The following SGCD variants were observed in gnomAD, a reference collection of about 807,000 sequenced individuals.
SGCD encodes the protein sarcoglycan delta, also known as delta-sarcoglycan.
In SGCD, 18 loss-of-function variants were observed where a neutral mutation model predicts 36.6. That is an observed-to-expected ratio of 0.49 (90% confidence interval 0.34 to 0.73). The LOEUF (loss-of-function observed/expected upper bound fraction) is 0.73, where lower values mean the gene tolerates loss of function less well. Among genes scored for constraint, SGCD ranks in the 30% least tolerant of loss-of-function variants. The pLI is 0.01. For synonymous variants in SGCD, 133 were observed against 130.6 expected, an observed-to-expected ratio of 1.02 and a Z score of -0.12; for missense variants, 387 against 346.7, an observed-to-expected ratio of 1.12 and a Z score of -0.92.
At chr5:156,099,119 A>G (rs529802863) in intron 1 of SGCD, among the ~76,000 whole-genome samples, 17 of 152,282 alleles carry the variant, frequency 1.1e-4, no homozygotes, top group African/African-American at 4.1e-4. Flanking sequence ...AAAGAGAGAC[A>G]ATACATCTGG....
intron 3 of SGCD, among the ~76,000 whole-genome samples, chr5:156,167,628 G>A (rs1194445499): frequency 6.6e-6 from 1 of 152,132 alleles, no homozygotes; most frequent in Non-Finnish European, 1.5e-5. Flanking sequence ...TGTTAAAAAA[G>A]TCTGGGATTT....
At chr5:156,370,988 AAC>A (rs1770359276) in intron 3 of SGCD, among the ~76,000 whole-genome samples, 1 of 152,110 alleles carries the variant, frequency 6.6e-6, no homozygotes, top group South Asian at 2.1e-4. Flanking sequence ...GGGAAAAAAA[AAC>A]AGTGATGTTT....
At chr5:155,794,452 GGATAAA>G in the SGCD span, among the ~76,000 whole-genome samples, 1 of 151,852 alleles carries the variant, frequency 6.6e-6, no homozygotes, top group Admixed American at 6.6e-5. Context: ...GTGTGAAAGT[GGATAAA>G]AACATGGATT....
the SGCD span, among the ~76,000 whole-genome samples, chr5:155,809,282 A>G: frequency 6.6e-6 from 1 of 152,242 alleles, no homozygotes; most frequent in Admixed American, 6.5e-5. Flanking sequence ...GGGAAATAAG[A>G]ATAACACCTT....
At chr5:156,501,491 T>C (rs1200640730) in intron 3 of SGCD, among the ~76,000 whole-genome samples, 1 of 152,188 alleles carries the variant, frequency 6.6e-6, no homozygotes, top group Non-Finnish European at 1.5e-5. Flanking sequence ...TCATCTTCTA[T>C]AGAAAACTAT....
the SGCD span, among the ~76,000 whole-genome samples, chr5:155,825,895 C>T: frequency 2.0e-5 from 3 of 151,962 alleles, no homozygotes; most frequent in Admixed American, 2.0e-4. Flanking sequence ...ATTACAGGCA[C>T]CTGCCACCAC....
At chr5:155,838,173 A>G in the SGCD span, among the ~76,000 whole-genome samples, 2 of 152,194 alleles carry the variant, frequency 1.3e-5, no homozygotes, top group South Asian at 2.1e-4. Context: ...AAATGTGACC[A>G]TAATGTCGTT....
intron 1 of SGCD, among the ~76,000 whole-genome samples, chr5:156,036,398 G>A (rs926749851): frequency 1.6e-4 from 24 of 152,170 alleles, no homozygotes; most frequent in African/African-American, 5.8e-4. Context: ...TGTCCTGTAA[G>A]CATGACTCTA....
At chr5:156,604,557 G>T (rs1333243478) in intron 6 of SGCD, among the ~76,000 whole-genome samples, 1 of 151,468 alleles carries the variant, frequency 6.6e-6, no homozygotes, top group African/African-American at 2.4e-5. Context: ...GTTACAATAG[G>T]TTATTTTAAG....
intron 6 of SGCD, among the ~76,000 whole-genome samples, chr5:156,637,226 C>G (rs543634154): frequency 3.9e-5 from 6 of 152,246 alleles, no homozygotes; most frequent in African/African-American, 1.4e-4. Flanking sequence ...GCATCCCCCT[C>G]CACCATGATT....
the SGCD span, among the ~76,000 whole-genome samples, chr5:155,859,435 T>C: frequency 6.6e-6 from 1 of 152,140 alleles, no homozygotes; most frequent in South Asian, 2.1e-4. Flanking sequence ...TACAAGACAA[T>C]GAGTTTTGAT....
At chr5:156,488,932 T>C (rs1289143041) in intron 3 of SGCD, among the ~76,000 whole-genome samples, 1 of 152,054 alleles carries the variant, frequency 6.6e-6, no homozygotes, top group Non-Finnish European at 1.5e-5. Flanking sequence ...ACATATAGAC[T>C]GGTTGAATGG....
intron 3 of SGCD, among the ~76,000 whole-genome samples, chr5:156,134,158 C>T (rs1267401463): frequency 6.6e-6 from 1 of 152,190 alleles, no homozygotes; most frequent in Admixed American, 6.5e-5. Context: ...GCTAAACCCA[C>T]CCACTCTTGG....
chr5:155,868,551 A>G (rs1249558248), upstream of SGCD, among the ~76,000 whole-genome samples: 1 of 151,892 alleles, frequency 6.6e-6, no homozygotes, highest in African/African-American at 2.4e-5. Context: ...GCCTCATGTG[A>G]GGTCTCAGTA....
intron 3 of SGCD, among the ~76,000 whole-genome samples, chr5:156,439,275 A>G (rs957216888): frequency 2.0e-5 from 3 of 152,158 alleles, no homozygotes; most frequent in Non-Finnish European, 2.9e-5. Context: ...TAATGCAGCC[A>G]GTAAGTGAAA....
chr5:156,277,595 C>A (rs1360907328), intron 3 of SGCD, among the ~76,000 whole-genome samples: 1 of 152,156 alleles, frequency 6.6e-6, no homozygotes, highest in African/African-American at 2.4e-5. Flanking sequence ...TCAGTTTACT[C>A]TTCAGAGAGG....
At chr5:156,401,425 T>C (rs1314562299) in intron 3 of SGCD, among the ~76,000 whole-genome samples, 1 of 152,246 alleles carries the variant, frequency 6.6e-6, no homozygotes, top group East Asian at 1.9e-4. Flanking sequence ...TCTGTACTAT[T>C]TCATCTTGTT....
At chr5:155,858,348 C>T in the SGCD span, among the ~76,000 whole-genome samples, 2 of 152,160 alleles carry the variant, frequency 1.3e-5, no homozygotes, top group Non-Finnish European at 2.9e-5. Flanking sequence ...TGTATACATA[C>T]ATATATCAAG....
At chr5:155,829,969 A>C in the SGCD span, among the ~76,000 whole-genome samples, 1 of 152,222 alleles carries the variant, frequency 6.6e-6, no homozygotes, top group Non-Finnish European at 1.5e-5. Flanking sequence ...TTAATTATAC[A>C]AATAACCAAA....
Sources: allele counts gnomAD v4.1 joint callset (sites outside exome capture counted in the v4.1 genomes callset), GRCh38; gene constraint gnomAD v4.1.1; transcripts MANE v1.5; gene names NCBI Gene and HGNC (gene_info 2026-07-23, HGNC 2026-07-21).